Variants in ZFPM2 observed in about 807,000 individuals in gnomAD.
ZFPM2 encodes zinc finger protein ZFPM2.
In ZFPM2, 20 loss-of-function variants were observed where a neutral mutation model predicts 98.6. That is an observed-to-expected ratio of 0.20 (90% CI 0.14 to 0.29). ZFPM2 has a LOEUF of 0.29. Ranked by LOEUF, ZFPM2 falls within the 10% of genes least tolerant of loss-of-function variation. The pLI is 1.00. For synonymous variants in ZFPM2, 518 were observed against 502.7 expected (o/e 1.03, Z -0.41); for missense variants, 1,310 against 1,388.6 (o/e 0.94, Z 0.90).
chr8:105,330,635 T>TATATATATATAC (rs1812215662), intron 1 of ZFPM2, among the ~76,000 whole-genome samples: 1 of 91,936 alleles, frequency 1.1e-5, no homozygotes, highest in Admixed American at 1.4e-4. Flanking sequence ...TATATATACA[T>TATATATATATAC]ATATATATAT....
chr8:105,706,829 C>T (rs188704223), intron 5 of ZFPM2, among the ~76,000 whole-genome samples: 1,604 of 152,312 alleles, frequency 0.011, 38 homozygotes, highest in African/African-American at 0.037. Context: ...ATCCACCCGC[C>T]TCGGCCTCCC....
chr8:105,517,308 A>C (rs1339995063), intron 3 of ZFPM2, among the ~76,000 whole-genome samples: 1 of 152,218 alleles, frequency 6.6e-6, no homozygotes, highest in African/African-American at 2.4e-5. Context: ...AAATATACTC[A>C]GGATACACGC....
intron 2 of ZFPM2, among the ~76,000 whole-genome samples, chr8:105,422,978 T>G (rs536278535): frequency 6.6e-6 from 1 of 152,174 alleles, no homozygotes; most frequent in Non-Finnish European, 1.5e-5. Flanking sequence ...AAAATTATAG[T>G]TCTTCAATGG....
In ZFPM2 at chr8:105,318,868, CGGCGGGAGCCGA is replaced by C; in HGVS notation, c.-71_-60del. The C allele has an allele frequency of 4.1e-6, 4 of 983,506 alleles. No homozygotes were observed. Among genetic ancestry groups the C allele is most frequent in the Non-Finnish European group, 4.9e-6 (4 of 813,116 alleles). 60.9% of individuals were successfully genotyped at this position (983,506 alleles called of 1,614,324 possible). ...CCAGCGGCGGCGGCGGCGGCGGCGGCGGCGGGAGCCGAGGGAGCGGCAGCCGCGACCGCGGGC... is the reference window on the plus strand; with the variant it reads ...CCAGCGGCGGCGGCGGCGGCGGCGGCGGGAGCGGCAGCCGCGACCGCGGGC... On this transcript the variant is annotated 5_prime_UTR_variant, in exon 1 of 8. Transcript: ENST00000407775.
At chr8:105,486,175 AC>A (rs1172711745) in intron 3 of ZFPM2, among the ~76,000 whole-genome samples, 1 of 152,056 alleles carries the variant, frequency 6.6e-6, no homozygotes, top group Non-Finnish European at 1.5e-5. Context: ...ATTCACTTGA[AC>A]CTTATGGAAT....
chr8:105,509,591 T>G (rs1218180875), intron 3 of ZFPM2, among the ~76,000 whole-genome samples: 1 of 152,210 alleles, frequency 6.6e-6, no homozygotes, highest in Non-Finnish European at 1.5e-5. Context: ...GGAAATACTA[T>G]TAAAGCAGTA....
intron 3 of ZFPM2, among the ~76,000 whole-genome samples, chr8:105,493,729 C>T (rs1813401450): frequency 6.6e-6 from 1 of 152,184 alleles, no homozygotes; most frequent in African/African-American, 2.4e-5. Flanking sequence ...AATAGTCAGA[C>T]AAGCAGTTAA....
rs189538660 is a variant in ZFPM2 at position 105,692,631 on chromosome 8, G to C, written c.532+58274G>C. On this transcript the variant is annotated intron_variant, in intron 5 of 7. Coordinates refer to ENST00000407775, the MANE Select transcript of ZFPM2 (RefSeq NM_012082.4). The stretch of plus-strand genomic sequence containing the variant: ...ACTTCTGCCTGTACAAAGCCAAAGG[G>C]TTGGAATTGGCATTTGCCTTAGAAA... Among the ~76,000 whole-genome samples, 9 of 152,324 alleles carry C rather than the reference G, an allele frequency of 5.9e-5. 1 individual carries two copies. Among genetic ancestry groups the C allele is most frequent in the Admixed American group, 5.2e-4 (8 of 15,306 alleles).
At chr8:105,700,481 T>C (rs967399976) in intron 5 of ZFPM2, among the ~76,000 whole-genome samples, 1 of 152,216 alleles carries the variant, frequency 6.6e-6, no homozygotes, top group African/African-American at 2.4e-5. Flanking sequence ...TTGTGACTTG[T>C]ATTAAAGCTG....
chr8:105,547,756 A>G (rs1814745729), intron 3 of ZFPM2, among the ~76,000 whole-genome samples: 1 of 152,064 alleles, frequency 6.6e-6, no homozygotes, highest in Admixed American at 6.6e-5. Context: ...TTCAAACATA[A>G]TTTCTATCTT....
intron 1 of ZFPM2, among the ~76,000 whole-genome samples, chr8:105,408,184 CCTAATTCTCCAGAGAGTAA>C: frequency 6.6e-6 from 1 of 152,078 alleles, no homozygotes; most frequent in Non-Finnish European, 1.5e-5. Context: ...TACCCGCTCT[CCTAATTCTCCAGAGAGTAA>C]GTGTTCTTCT....
intron 5 of ZFPM2, among the ~76,000 whole-genome samples, chr8:105,713,142 A>G (rs1372322484): frequency 6.6e-6 from 1 of 152,090 alleles, no homozygotes; most frequent in African/African-American, 2.4e-5. Context: ...ATTAATTTAC[A>G]TTCCAGTAAC....
intron 5 of ZFPM2, among the ~76,000 whole-genome samples, chr8:105,657,163 G>C (rs575005656): frequency 2.6e-5 from 4 of 151,828 alleles, no homozygotes; most frequent in African/African-American, 7.2e-5. Flanking sequence ...TTTTGAGATG[G>C]AGTCTCACTC....
intron 1 of ZFPM2, among the ~76,000 whole-genome samples, chr8:105,371,831 T>A (rs1810627164): frequency 6.6e-6 from 1 of 152,068 alleles, no homozygotes; most frequent in Non-Finnish European, 1.5e-5. Flanking sequence ...CTGTACTGTG[T>A]ATTACATAAT....
intron 5 of ZFPM2, among the ~76,000 whole-genome samples, chr8:105,712,294 CAT>C (rs1462443075): frequency 6.6e-6 from 1 of 152,020 alleles, no homozygotes; most frequent in African/African-American, 2.4e-5. Context: ...AGAAATGAGA[CAT>C]AGTGGTGAAC....
intron 1 of ZFPM2, chr8:105,387,467 C>T (rs2129912827): frequency 6.5e-6 from 1 of 153,780 alleles, no homozygotes; most frequent in Non-Finnish European, 1.4e-5. Context: ...GTCCCAAGCC[C>T]TGCCCCGCCG....
intron 5 of ZFPM2, among the ~76,000 whole-genome samples, chr8:105,661,976 A>G (rs1817398382): frequency 2.0e-5 from 3 of 152,126 alleles, no homozygotes; most frequent in Admixed American, 6.6e-5. Context: ...TCTCTTTGTA[A>G]GAAAAAAAAA....
At chr8:105,647,381 T>C (rs550834933) in intron 5 of ZFPM2, among the ~76,000 whole-genome samples, 2 of 152,272 alleles carry the variant, frequency 1.3e-5, no homozygotes, top group East Asian at 3.9e-4. Context: ...GCTCTTTTTT[T>C]TTCTTTTTTA....
chr8:105,565,283 A>G (rs1245043255), intron 4 of ZFPM2, among the ~76,000 whole-genome samples: 1 of 152,168 alleles, frequency 6.6e-6, no homozygotes, highest in African/African-American at 2.4e-5. Flanking sequence ...AGTTTGACAA[A>G]AAGTTGTTCT....
Sources: allele counts gnomAD v4.1 joint callset (sites outside exome capture counted in the v4.1 genomes callset), GRCh38; gene constraint gnomAD v4.1.1; transcripts MANE v1.5; gene names NCBI Gene and HGNC (gene_info 2026-07-23, HGNC 2026-07-21).